NRTN: variants seen among roughly 807,000 people sequenced by gnomAD.
The protein encoded by NRTN is neurturin, also known as prepro-neurturin.
NRTN carries 3 observed loss-of-function variants against 7.5 expected under a neutral mutation model. The ratio of observed to expected loss-of-function variants is 0.40; its 90% CI spans 0.18 to 1.03. The LOEUF is 1.03. Ranked by LOEUF, NRTN falls within the 50% of genes least tolerant of loss-of-function variation. The pLI, the probability that NRTN is intolerant of heterozygous loss-of-function variation, is 0.34. For synonymous variants in NRTN, 157 were observed against 146.6 expected, an observed-to-expected ratio of 1.07 and a Z score of -0.51; for missense variants, 310 against 307.0, an observed-to-expected ratio of 1.01 and a Z score of -0.07.
chr19:5,828,065 G>A lies in NRTN; in HGVS notation c.486G>A (p.Gln162=), dbSNP rs1478591362. The change falls in exon 3 of 3, where the codon CAG becomes CAA. Residue 162 remains glutamine, a synonymous_variant. Transcript: ENST00000303212. ...RRLRRERVRA[Q]PCCRPTAYED... Reference sequence around the variant, plus strand: ...TGCGGCGGGAGCGGGTGCGCGCGCAGCCCTGCTGCCGCCCGACGGCCTACG... The same window carrying A: ...TGCGGCGGGAGCGGGTGCGCGCGCAACCCTGCTGCCGCCCGACGGCCTACG... The A allele has an allele frequency of 1.0e-5, 15 of 1,469,866 alleles. No homozygotes were observed. The highest frequency in any genetic ancestry group is 1.5e-5 in the African/African-American group (1 of 68,030). The allele number at this position is 1,469,866 out of a possible 1,614,324, so 91.1% of individuals were successfully genotyped here. A position where few individuals can be genotyped will look rare whatever the true frequency, so the allele number is the denominator to read the frequency against.
chr19:5,818,089 G>A (rs963240701), intron 1 of NRTN, among the ~76,000 whole-genome samples: 1 of 152,058 alleles, frequency 6.6e-6, no homozygotes, highest in East Asian at 1.9e-4. Flanking sequence ...TCAGCTTCCC[G>A]AGTAGCTGAG....
intron 1 of NRTN, among the ~76,000 whole-genome samples, chr19:5,817,708 A>T (rs376618042): frequency 1.3e-5 from 2 of 152,156 alleles, no homozygotes; most frequent in African/African-American, 4.8e-5. Context: ...CGTGTGAAAA[A>T]GTCCAAGTGT....
chr19:5,826,642 C>G (rs1409637726), intron 2 of NRTN, among the ~76,000 whole-genome samples: 1 of 152,198 alleles, frequency 6.6e-6, no homozygotes, highest in Non-Finnish European at 1.5e-5. Context: ...CTCTCCCAAC[C>G]ACAAGCGTGA....
chr19:5,825,075 C>T (rs879312447), intron 2 of NRTN, among the ~76,000 whole-genome samples: 1 of 151,570 alleles, frequency 6.6e-6, no homozygotes, highest in Non-Finnish European at 1.5e-5. Flanking sequence ...CAAGGGGAGG[C>T]GGGAGATGGA....
In NRTN at chr19:5,820,265, C is replaced by CA. The variant is rs61584587; in HGVS notation, c.-398-3485dup. 4.5e-3 allele frequency among the ~76,000 whole-genome samples: 383 copies of CA among 84,522 alleles called. 10 individuals carry two copies. Among genetic ancestry groups the CA allele is most frequent in the East Asian group, 0.023 (59 of 2,546 alleles). 55.4% of individuals were successfully genotyped at this position (84,522 alleles called of 152,430 possible). On this transcript the variant is annotated intron_variant, in intron 1 of 2. Coordinates refer to ENST00000303212, the MANE Select transcript of NRTN (RefSeq NM_004558.5). The stretch of plus-strand genomic sequence containing the variant: ...TGGGCGACAGAGCAAGACTCCGTCT[C>CA]AAAAAAAAAAAAAAAAAATTGCCGG...
chr19:5,805,669 C>T (rs1467815700), intron 1 of NRTN, among the ~76,000 whole-genome samples: 1 of 151,830 alleles, frequency 6.6e-6, no homozygotes, highest in Non-Finnish European at 1.5e-5. Context: ...AAGCGGCTCT[C>T]CAAGCCCGAA....
Position 5,823,961 on chromosome 19 carries a change from T to C in NRTN, c.-205T>C. The C allele has an allele frequency of 1.5e-6, 1 of 687,686 alleles. No homozygotes were observed. Among genetic ancestry groups the C allele is most frequent in the Non-Finnish European group, 2.5e-6 (1 of 401,642 alleles). The allele number at this position is 687,686 out of a possible 1,614,324, so 42.6% of individuals were successfully genotyped here. A position where few individuals can be genotyped will look rare whatever the true frequency, so the allele number is the denominator to read the frequency against. On this transcript the variant is annotated 5_prime_UTR_variant, in exon 2 of 3. Coordinates refer to ENST00000303212, the MANE Select transcript of NRTN (RefSeq NM_004558.5). ...CTCCGGGACCCCCAGATGGGGGCGG[T>C]TCCCTGTGACTCCTGGCACGGAGGC...
In NRTN at chr19:5,828,036, C is replaced by T; in HGVS notation, c.457C>T (p.Arg153Cys). The change falls in exon 3 of 3, where the codon CGC (arginine) becomes TGC (cysteine). Residue 153 changes from arginine to cysteine, a missense_variant. Physicochemically the swap from Arg to Cys is radical, Grantham distance 180. Transcript: ENST00000303212. ...LGLRRLRQRR[R>C]LRRERVRAQP... is the part of the protein sequence containing the mutation. ...GCTGCGACGACTGCGCCAGCGGCGG[C>T]GCCTGCGGCGGGAGCGGGTGCGCGC... 5 of 1,416,950 alleles carry T rather than the reference C, an allele frequency of 3.5e-6. No homozygotes were observed. Among genetic ancestry groups the T allele is most frequent in the South Asian group, 1.5e-5 (1 of 66,922 alleles). 87.8% of individuals were successfully genotyped at this position (1,416,950 alleles called of 1,614,324 possible).
rs1393673258 is a variant in NRTN, at chr19:5,828,160, G to C, written c.581G>C (p.Cys194Ser). The C allele has an allele frequency of 6.5e-7, 1 of 1,530,232 alleles. No homozygotes were observed. The highest frequency in any genetic ancestry group is 1.2e-5 in the South Asian group (1 of 83,662). 94.8% of individuals were successfully genotyped at this position (1,530,232 alleles called of 1,614,324 possible). ...GTGCACGAGCTGTCGGCGCGCGAGT[G>C]CGCCTGCGTGTGACCCTACCTCACT... ...HTVHELSARE[C>S]ACV Residue 194 changes from cysteine (C) to serine (S), a missense_variant, in exon 3 of 3, where the codon TGC becomes TCC. By Grantham distance (112) the Cys-to-Ser change is moderately radical. Coordinates refer to ENST00000303212, the MANE Select transcript of NRTN (RefSeq NM_004558.5).
At chr19:5,826,228 G>A (rs531266260) in intron 2 of NRTN, among the ~76,000 whole-genome samples, 102 of 152,156 alleles carry the variant, frequency 6.7e-4, no homozygotes, top group African/African-American at 2.4e-3. Flanking sequence ...TGTCTGCTTC[G>A]ATGCACCCCT....
intron 1 of NRTN, among the ~76,000 whole-genome samples, chr19:5,808,619 C>T (rs920896271): frequency 8.5e-5 from 13 of 152,196 alleles, no homozygotes; most frequent in Non-Finnish European, 1.5e-4. Context: ...TACTTCCCGC[C>T]TCATCTCCCT....
intron 1 of NRTN, among the ~76,000 whole-genome samples, chr19:5,821,666 C>G (rs915532475): frequency 3.3e-5 from 5 of 150,336 alleles, no homozygotes; most frequent in Non-Finnish European, 7.4e-5. Flanking sequence ...TCTATGAGCG[C>G]CTACTCTGAG....
Position 5,828,144 on chromosome 19 carries a change from C to T in NRTN, c.565C>T (p.Leu189=). The part of the protein sequence containing the change: ...AHSRYHTVHE[L]SARECACV ...CAGCCGCTACCACACGGTGCACGAG[C>T]TGTCGGCGCGCGAGTGCGCCTGCGT... is the stretch of plus-strand genomic sequence containing the variant. Residue 189 remains leucine, a synonymous_variant, in exon 3 of 3, where the codon CTG becomes TTG. Transcript: ENST00000303212. 1.3e-6 allele frequency: 2 copies of T among 1,529,926 alleles called. No homozygotes were observed. Among genetic ancestry groups the T allele is most frequent in the Non-Finnish European group, 1.7e-6 (2 of 1,144,082 alleles). 94.8% of individuals were successfully genotyped at this position (1,529,926 alleles called of 1,614,324 possible). A position where few individuals can be genotyped will look rare whatever the true frequency, so the allele number is the denominator to read the frequency against.
rs549556197 is a variant in NRTN at position 5,820,293 on chromosome 19, A to G, written c.-398-3475A>G. Among the ~76,000 whole-genome samples, 1,094 of 136,944 alleles carry G rather than the reference A, an allele frequency of 8.0e-3. 16 individuals are homozygous for G. Among genetic ancestry groups the G allele is most frequent in the Non-Finnish European group, 0.011 (728 of 65,424 alleles). The allele number at this position is 136,944 out of a possible 152,430, so 89.8% of individuals were successfully genotyped here. On this transcript the variant is annotated intron_variant, in intron 1 of 2. Coordinates refer to ENST00000303212, the MANE Select transcript of NRTN (RefSeq NM_004558.5). ...AAAAAAAAAAAAAAAATTGCCGGGC[A>G]CGGTGGCTCACGCCTGTAATCCCAG...
chr19:5,817,107 C>A (rs927355230), intron 1 of NRTN, among the ~76,000 whole-genome samples: 1 of 151,394 alleles, frequency 6.6e-6, no homozygotes, highest in South Asian at 2.1e-4. Flanking sequence ...GAGGCTGAGG[C>A]GGGAGGATTG....
At chr19:5,817,334 A>G (rs1168640893) in intron 1 of NRTN, among the ~76,000 whole-genome samples, 1 of 151,644 alleles carries the variant, frequency 6.6e-6, no homozygotes, top group Admixed American at 6.6e-5. Context: ...AGCCTGGGCA[A>G]CAGAGCAAGA....
At position 5,827,975 on chromosome 19, in the gene NRTN, C is replaced by A; in HGVS notation, c.396C>A (p.Gly132=). 2 of 1,471,732 alleles carry A rather than the reference C, an allele frequency of 1.4e-6. No individual in the cohort carries two copies. Among genetic ancestry groups the A allele is most frequent in the East Asian group, 2.9e-5 (1 of 34,518 alleles). The allele number at this position is 1,471,732 out of a possible 1,614,324, so 91.2% of individuals were successfully genotyped here. Residue 132 remains glycine, a synonymous_variant, in exon 3 of 3, where the codon GGC becomes GGA. Transcript: ENST00000303212. The part of the protein sequence containing the change: ...DETVLFRYCA[G]ACEAAARVYD... ...CGGTGCTGTTCCGCTACTGCGCAGG[C>A]GCCTGCGAGGCTGCCGCGCGCGTCT...
At chr19:5,816,185 GC>G (rs1175851044) in intron 1 of NRTN, among the ~76,000 whole-genome samples, 1 of 152,140 alleles carries the variant, frequency 6.6e-6, no homozygotes, top group East Asian at 1.9e-4. Context: ...ATAGGCGTGA[GC>G]CACTGAGCCT....
At chr19:5,821,726 A>G (rs879664876) in intron 1 of NRTN, among the ~76,000 whole-genome samples, 4 of 152,050 alleles carry the variant, frequency 2.6e-5, no homozygotes, top group Non-Finnish European at 4.4e-5. Flanking sequence ...TTCCCCTGCA[A>G]ATTCACTCTC....
Sources: gnomAD v4.1 joint callset for allele counts (sites outside exome capture counted in the v4.1 genomes callset) on GRCh38, gnomAD v4.1.1 for gene constraint, MANE v1.5 for transcripts, NCBI Gene and HGNC (gene_info 2026-07-23, HGNC 2026-07-21) for gene names.